The following DRC8 variants were observed in gnomAD, a reference collection of about 807,000 sequenced individuals.
DRC8 encodes dynein regulatory complex subunit 8, also known as dynein regulatory complex protein 8.
the DRC8 span, among the ~76,000 whole-genome samples, chr1:245,070,084 G>C: frequency 5.9e-5 from 9 of 152,166 alleles, no homozygotes; most frequent in African/African-American, 1.9e-4. Flanking sequence ...AGAAGGATGT[G>C]CATAGGTTAT....
the DRC8 span, chr1:245,044,182 G>A: frequency 5.3e-5 from 8 of 152,222 alleles, no homozygotes; most frequent in South Asian, 1.7e-3. Context: ...GTGTATGTGT[G>A]GTGGATGTAC....
At chr1:245,121,854 T>C in the DRC8 span, 2 of 421,572 alleles carry the variant, frequency 4.7e-6, no homozygotes, top group South Asian at 3.5e-5. Flanking sequence ...TACTTCTTCA[T>C]CTACTTTTTT....
At chr1:245,015,437 G>A in the DRC8 span, among the ~76,000 whole-genome samples, 1 of 152,248 alleles carries the variant, frequency 6.6e-6, no homozygotes, top group African/African-American at 2.4e-5. Flanking sequence ...TCTGCCGGGC[G>A]CGGTGGCTCA....
At chr1:245,007,746 T>C in the DRC8 span, among the ~76,000 whole-genome samples, 1 of 145,146 alleles carries the variant, frequency 6.9e-6, no homozygotes, top group Admixed American at 7.3e-5. Flanking sequence ...GGGAGCTCTC[T>C]ATTGCTAACC....
chr1:245,121,020 G>T, the DRC8 span, among the ~76,000 whole-genome samples: 1 of 152,176 alleles, frequency 6.6e-6, no homozygotes, highest in African/African-American at 2.4e-5. Context: ...AAAATATTTA[G>T]GGCAAATACA....
chr1:245,063,014 A>G, the DRC8 span, among the ~76,000 whole-genome samples: 1 of 152,138 alleles, frequency 6.6e-6, no homozygotes, highest in Non-Finnish European at 1.5e-5. Context: ...AGACACCATC[A>G]CAGAACTTAG....
At chr1:245,033,361 G>A in the DRC8 span, among the ~76,000 whole-genome samples, 1 of 152,150 alleles carries the variant, frequency 6.6e-6, no homozygotes. Context: ...CTCCTCTCCC[G>A]GAGGCAGTGA....
the DRC8 span, chr1:245,017,090 C>A: frequency 1.3e-6 from 1 of 742,054 alleles, no homozygotes; most frequent in Non-Finnish European, 2.1e-6. Context: ...TTGACATCTC[C>A]AGAGGAAGTT....
the DRC8 span, among the ~76,000 whole-genome samples, chr1:245,023,829 T>C: frequency 1.3e-5 from 2 of 152,196 alleles, no homozygotes; most frequent in East Asian, 1.9e-4. Context: ...TAAACCATTC[T>C]GCACTCTGCT....
At chr1:245,057,619 A>G in the DRC8 span, among the ~76,000 whole-genome samples, 1 of 149,154 alleles carries the variant, frequency 6.7e-6, no homozygotes, top group Non-Finnish European at 1.5e-5. Flanking sequence ...TCTTTTCCCA[A>G]TCTTGTCTCC....
At chr1:245,099,377 G>A in the DRC8 span, among the ~76,000 whole-genome samples, 1 of 152,224 alleles carries the variant, frequency 6.6e-6, no homozygotes. Flanking sequence ...AGAAAGCTGA[G>A]TGACAGCCAG....
At chr1:245,020,325 G>A in the DRC8 span, among the ~76,000 whole-genome samples, 3 of 152,290 alleles carry the variant, frequency 2.0e-5, no homozygotes, top group East Asian at 5.8e-4. Context: ...TTATGAGCTG[G>A]GCTCCTGCTA....
the DRC8 span, among the ~76,000 whole-genome samples, chr1:245,002,710 G>A: frequency 4.0e-5 from 6 of 150,092 alleles, no homozygotes; most frequent in East Asian, 1.2e-3. Flanking sequence ...TGTAGAGATA[G>A]GGTTTTGCCA....
At chr1:244,973,480 A>G in the DRC8 span, among the ~76,000 whole-genome samples, 1 of 152,238 alleles carries the variant, frequency 6.6e-6, no homozygotes, top group Admixed American at 6.5e-5. Context: ...TTAATCAAAG[A>G]CAGCTTATGA....
chr1:245,080,577 T>A, the DRC8 span, among the ~76,000 whole-genome samples: 2 of 152,236 alleles, frequency 1.3e-5, no homozygotes, highest in African/African-American at 4.8e-5. Context: ...GTCAGAATCT[T>A]GGGAGTCATC....
the DRC8 span, among the ~76,000 whole-genome samples, chr1:245,120,213 C>G: frequency 6.6e-6 from 1 of 152,192 alleles, no homozygotes; most frequent in Non-Finnish European, 1.5e-5. Context: ...TCCCTCTCCC[C>G]TGAGTGCACC....
chr1:245,110,747 G>A, the DRC8 span, among the ~76,000 whole-genome samples: 1 of 152,242 alleles, frequency 6.6e-6, no homozygotes, highest in East Asian at 1.9e-4. Context: ...TGTTTATAGG[G>A]CATGTGTAAG....
the DRC8 span, among the ~76,000 whole-genome samples, chr1:245,048,244 C>G: frequency 2.6e-5 from 4 of 152,162 alleles, no homozygotes; most frequent in Non-Finnish European, 5.9e-5. Context: ...AGCCTCATCT[C>G]AACTTTTACT....
At chr1:245,057,904 T>C in the DRC8 span, among the ~76,000 whole-genome samples, 8 of 152,188 alleles carry the variant, frequency 5.3e-5, no homozygotes, top group Non-Finnish European at 7.3e-5. Context: ...CTAACTAATA[T>C]ATTTGTTCCT....
Sources: gnomAD v4.1 joint callset for allele counts (sites outside exome capture counted in the v4.1 genomes callset) on GRCh38, gnomAD v4.1.1 for gene constraint, MANE v1.5 for transcripts, NCBI Gene and HGNC (gene_info 2026-07-23, HGNC 2026-07-21) for gene names.